Variants in PPP1R9A observed in about 807,000 individuals in gnomAD.
PPP1R9A encodes neurabin-1.
PPP1R9A carries 59 observed loss-of-function variants against 141.9 expected under a neutral mutation model. The ratio of observed to expected loss-of-function variants is 0.42; its 90% CI spans 0.34 to 0.52. The LOEUF (loss-of-function observed/expected upper bound fraction) is 0.52. PPP1R9A is among the 20% of genes least tolerant of loss of function. The pLI is 0.10. For missense variants in PPP1R9A, 1,444 were observed against 1,611.9 expected (o/e 0.90, Z 1.78); for synonymous variants, 500 against 569.7 (o/e 0.88, Z 1.74).
chr7:94,950,302 A>T (rs1796334262), intron 2 of PPP1R9A, among the ~76,000 whole-genome samples: 1 of 152,124 alleles, frequency 6.6e-6, no homozygotes, highest in Non-Finnish European at 1.5e-5. Flanking sequence ...GTTCATTTCC[A>T]TGTAAGCAGG....
At chr7:95,202,886 T>C (rs1453778026) in intron 6 of PPP1R9A, among the ~76,000 whole-genome samples, 4 of 152,064 alleles carry the variant, frequency 2.6e-5, no homozygotes, top group Non-Finnish European at 5.9e-5. Flanking sequence ...ATAGGTATGG[T>C]CATTGAAATT....
At chr7:95,005,910 T>C (rs1317578934) in intron 2 of PPP1R9A, among the ~76,000 whole-genome samples, 3 of 151,916 alleles carry the variant, frequency 2.0e-5, no homozygotes, top group Admixed American at 1.3e-4. Flanking sequence ...CTTCTAAAGA[T>C]ACAAAAAAAA....
intron 14 of PPP1R9A, among the ~76,000 whole-genome samples, chr7:95,272,662 A>G (rs1176411533): frequency 6.6e-6 from 1 of 152,226 alleles, no homozygotes; most frequent in Non-Finnish European, 1.5e-5. Context: ...GAGAGCTTTG[A>G]ACCTAGACTG....
intron 2 of PPP1R9A, chr7:95,018,173 G>T: frequency 4.6e-6 from 1 of 218,548 alleles, no homozygotes; most frequent in South Asian, 9.3e-5. Context: ...CCAGGAGGCT[G>T]ATTCATCTGC....
At chr7:95,013,109 A>G (rs1261551833) in intron 2 of PPP1R9A, among the ~76,000 whole-genome samples, 2 of 152,146 alleles carry the variant, frequency 1.3e-5, no homozygotes, top group Non-Finnish European at 2.9e-5. Flanking sequence ...AACAGGCTTC[A>G]TGATACATGC....
chr7:95,078,689 C>G (rs191942026), intron 2 of PPP1R9A, among the ~76,000 whole-genome samples: 15,786 of 151,322 alleles, frequency 0.1, 1,327 homozygotes, highest in African/African-American at 0.23. Flanking sequence ...GTGTGAGATG[C>G]TATCTCATTG....
chr7:95,148,879 A>G (rs1828129436), intron 4 of PPP1R9A, among the ~76,000 whole-genome samples: 1 of 152,030 alleles, frequency 6.6e-6, no homozygotes, highest in African/African-American at 2.4e-5. Flanking sequence ...GAACTCTAAC[A>G]CCAAAATCAG....
chr7:95,226,651 A>G (rs1288045549), intron 8 of PPP1R9A, among the ~76,000 whole-genome samples: 3 of 152,176 alleles, frequency 2.0e-5, no homozygotes, highest in Admixed American at 6.6e-5. Context: ...GCTTTATAAG[A>G]TGCACAGCCA....
intron 2 of PPP1R9A, among the ~76,000 whole-genome samples, chr7:94,920,211 A>G (rs1045835137): frequency 1.3e-5 from 2 of 152,318 alleles, no homozygotes; most frequent in East Asian, 3.9e-4. Flanking sequence ...TTTTGAAAGT[A>G]TGGGTTTAAC....
intron 2 of PPP1R9A, among the ~76,000 whole-genome samples, chr7:94,997,149 A>C (rs1802301620): frequency 6.6e-6 from 1 of 152,090 alleles, no homozygotes; most frequent in African/African-American, 2.4e-5. Flanking sequence ...ATTTTCTTTT[A>C]TATATCTTCC....
At chr7:95,049,445 A>G (rs1810487354) in intron 2 of PPP1R9A, among the ~76,000 whole-genome samples, 1 of 152,176 alleles carries the variant, frequency 6.6e-6, no homozygotes, top group Non-Finnish European at 1.5e-5. Context: ...GGCTCCATAC[A>G]TACCCTGGCT....
chr7:95,233,036 T>C (rs1221006831), intron 8 of PPP1R9A, among the ~76,000 whole-genome samples: 1 of 152,150 alleles, frequency 6.6e-6, no homozygotes, highest in Non-Finnish European at 1.5e-5. Flanking sequence ...CCCAAAGGAT[T>C]ATAAATCATT....
chr7:95,091,272 C>T (rs1817304372), intron 2 of PPP1R9A, among the ~76,000 whole-genome samples: 1 of 150,826 alleles, frequency 6.6e-6, no homozygotes, highest in South Asian at 2.1e-4. Context: ...GAAAGTTATG[C>T]CTGTTAAAAT....
chr7:95,259,795 T>C (rs1800151717), intron 12 of PPP1R9A, among the ~76,000 whole-genome samples: 1 of 152,172 alleles, frequency 6.6e-6, no homozygotes, highest in Admixed American at 6.6e-5. Context: ...GAGAGTCTCA[T>C]ACAAGAGCAT....
At chr7:95,186,321 G>A (rs777755976) in intron 5 of PPP1R9A, among the ~76,000 whole-genome samples, 2 of 152,032 alleles carry the variant, frequency 1.3e-5, no homozygotes, top group Non-Finnish European at 2.9e-5. Context: ...CAGCTTGGTC[G>A]ATATTGGTGT....
intron 7 of PPP1R9A, among the ~76,000 whole-genome samples, chr7:95,218,038 C>T (rs920810851): frequency 3.9e-5 from 6 of 152,026 alleles, no homozygotes; most frequent in South Asian, 2.1e-4. Flanking sequence ...GCTCTTGCTT[C>T]TCTAGTTCTT....
intron 2 of PPP1R9A, among the ~76,000 whole-genome samples, chr7:95,001,871 A>G (rs1248065985): frequency 2.0e-5 from 3 of 152,216 alleles, no homozygotes; most frequent in African/African-American, 7.2e-5. Flanking sequence ...AAAAAACACA[A>G]GGGAAACCAT....
chr7:95,130,341 C>T (rs1289778135), intron 4 of PPP1R9A, among the ~76,000 whole-genome samples: 1 of 152,174 alleles, frequency 6.6e-6, no homozygotes, highest in Non-Finnish European at 1.5e-5. Context: ...GGTGTTGAGC[C>T]TGCAAGTGCA....
chr7:95,015,223 T>C (rs888209372), intron 2 of PPP1R9A, among the ~76,000 whole-genome samples: 2 of 150,018 alleles, frequency 1.3e-5, no homozygotes, highest in African/African-American at 4.9e-5. Flanking sequence ...CACGAATATA[T>C]ATATACACAC....
Sources: gnomAD v4.1 joint callset for allele counts (sites outside exome capture counted in the v4.1 genomes callset) on GRCh38, gnomAD v4.1.1 for gene constraint, MANE v1.5 for transcripts, NCBI Gene and HGNC (gene_info 2026-07-23, HGNC 2026-07-21) for gene names.